Variants in CFAP92 observed in about 807,000 individuals in gnomAD.
The protein encoded by CFAP92 is uncharacterized protein CFAP92.
In CFAP92, 86 loss-of-function variants were observed where a neutral mutation model predicts 106.3. The ratio of observed to expected loss-of-function variants is 0.81; its 90% CI spans 0.68 to 0.97. The LOEUF (loss-of-function observed/expected upper bound fraction) is 0.97, where lower values mean the gene tolerates loss of function less well. Ranked by LOEUF, CFAP92 falls within the 50% of genes least tolerant of loss-of-function variation. CFAP92 has a pLI of 0.00. For missense variants in CFAP92, 1,204 were observed against 1,283.8 expected (o/e 0.94, Z 0.95); for synonymous variants, 477 against 506.4 (o/e 0.94, Z 0.78).
In CFAP92 at chr3:128,977,059, G is replaced by T; in HGVS notation, c.816C>A (p.His272Gln). The T allele has an allele frequency of 6.2e-7, 1 of 1,613,572 alleles. No individual in the cohort carries two copies. Among genetic ancestry groups the T allele is most frequent in the Non-Finnish European group, 8.5e-7 (1 of 1,179,586 alleles). ...TGGAAGAAGTTTCGGGCTCTGCTTG[G>T]TGAGAACCTGAAAACAGTAGCAAAT... is the stretch of plus-strand genomic sequence containing the variant. ...EKHPKSLQGS[H>Q]QAEPETSSKN... Residue 272 changes from histidine (H) to glutamine (Q), a missense_variant, in exon 6 of 16, where the codon CAC (histidine) becomes CAA (glutamine). His to Gln is a conservative substitution (Grantham distance 24, BLOSUM62 0). Coordinates refer to ENST00000645291, the MANE Select transcript of CFAP92 (RefSeq NM_001394090.1).
At position 128,945,662 on chromosome 3, in the gene CFAP92, T is replaced by C; in HGVS notation, c.1667A>G (p.Gln556Arg). The change falls in exon 10 of 16, where the codon CAG (glutamine) becomes CGG (arginine). Residue 556 changes from glutamine (Q) to arginine (R), a missense_variant. Physicochemically the swap from Gln to Arg is conservative, Grantham distance 43. Coordinates refer to ENST00000645291, the MANE Select transcript of CFAP92 (RefSeq NM_001394090.1). ...GCCATAAGGGTACCACATCTTGTTCTGGGACTCAAAGGGGTTGTTCTCTGT... is the reference window on the plus strand; with the variant it reads ...GCCATAAGGGTACCACATCTTGTTCCGGGACTCAAAGGGGTTGTTCTCTGT... The part of the protein sequence containing the change: ...RETENNPFES[Q>R]NKMWYPYGIA... The C allele has an allele frequency of 6.5e-7, 1 of 1,536,152 alleles. No homozygotes were observed. Among genetic ancestry groups the C allele is most frequent in the Non-Finnish European group, 8.7e-7 (1 of 1,146,912 alleles).
At chr3:128,919,514 T>A (rs1937094743) in intron 12 of CFAP92, among the ~76,000 whole-genome samples, 1 of 152,170 alleles carries the variant, frequency 6.6e-6, no homozygotes, top group South Asian at 2.1e-4. Context: ...TCAAAATATA[T>A]TAAGAAACAA....
chr3:128,937,529 G>A (rs993867026), intron 10 of CFAP92, among the ~76,000 whole-genome samples: 11 of 151,970 alleles, frequency 7.2e-5, no homozygotes, highest in African/African-American at 2.7e-4. Context: ...GAACTCAGGA[G>A]GCGGAGCTTG....
chr3:128,912,904 C>A (rs1200091367), intron 15 of CFAP92: 1 of 570,018 alleles, frequency 1.8e-6, no homozygotes, highest in Non-Finnish European at 3.4e-6. Flanking sequence ...ATAGTGGAAA[C>A]TGGGGCTTAT....
upstream of CFAP92, among the ~76,000 whole-genome samples, chr3:128,998,058 G>A (rs1489493612): frequency 6.6e-6 from 1 of 152,174 alleles, no homozygotes; most frequent in Non-Finnish European, 1.5e-5. Context: ...AGAATACTGA[G>A]ATTGTTTTAT....
intron 9 of CFAP92, among the ~76,000 whole-genome samples, chr3:128,960,852 G>A (rs1225771992): frequency 2.6e-5 from 4 of 151,068 alleles, no homozygotes; most frequent in South Asian, 4.2e-4. Context: ...CCTGGGGCAG[G>A]GGCAAGTACC....
chr3:128,963,453 G>A (rs533057314), intron 9 of CFAP92, among the ~76,000 whole-genome samples: 124 of 152,124 alleles, frequency 8.2e-4, no homozygotes, highest in African/African-American at 2.7e-3. Context: ...CATACCTGAC[G>A]CATATACTTT....
intron 12 of CFAP92, among the ~76,000 whole-genome samples, chr3:128,930,553 C>G (rs977093834): frequency 1.3e-5 from 2 of 151,852 alleles, no homozygotes; most frequent in Non-Finnish European, 2.9e-5. Context: ...GAGTTCGAGA[C>G]CAGCCTGGGC....
At chr3:128,977,973 A>G (rs547912857) in intron 5 of CFAP92, 72 bp downstream of exon 5, 1 of 1,592,564 alleles carries the variant, frequency 6.3e-7, no homozygotes, top group East Asian at 2.2e-5. Context: ...GCATTGCTCC[A>G]GCACACCACA....
At chr3:128,995,595 C>T (rs915757049), upstream of CFAP92, among the ~76,000 whole-genome samples, 7 of 152,178 alleles carry the variant, frequency 4.6e-5, no homozygotes, top group Non-Finnish European at 8.8e-5. Flanking sequence ...CCTCCTGCTC[C>T]CCAGGTCCTA....
rs759777175 is a variant in CFAP92, at chr3:128,977,017, A to G, written c.858T>C (p.Tyr286=). 6.2e-7 allele frequency: 1 copy of G among 1,613,940 alleles called. No individual in the cohort carries two copies. The highest frequency in any genetic ancestry group is 1.7e-5 in the Admixed American group (1 of 60,028). ...PETSSKNSEE[Y]EKSLKMDDSS... The stretch of plus-strand genomic sequence containing the variant: ...AATCGTCCATTTTGAGGGACTTCTC[A>G]TATTCCTCACTGTTCTTGGAAGAAG... Residue 286 remains tyrosine (Y), a synonymous_variant, in exon 6 of 16, where the codon TAT becomes TAC. Coordinates refer to ENST00000645291, the MANE Select transcript of CFAP92 (RefSeq NM_001394090.1).
intron 9 of CFAP92, among the ~76,000 whole-genome samples, chr3:128,959,868 C>T (rs371481079): frequency 1.3e-5 from 2 of 152,184 alleles, no homozygotes; most frequent in Non-Finnish European, 1.5e-5. Context: ...GTGACTTGCA[C>T]GTATACATCC....
chr3:128,926,114 G>A (rs1937624727), intron 12 of CFAP92, among the ~76,000 whole-genome samples: 1 of 152,200 alleles, frequency 6.6e-6, no homozygotes. Context: ...ATTTTAAATG[G>A]AGAAAATAAA....
intron 4 of CFAP92, among the ~76,000 whole-genome samples, chr3:128,985,470 C>A (rs1465016167): frequency 1.3e-5 from 2 of 152,140 alleles, no homozygotes; most frequent in African/African-American, 4.8e-5. Context: ...CTCAATCAAT[C>A]AATAAGAATA....
At position 128,988,900 on chromosome 3, in the gene CFAP92, G is replaced by T; in HGVS notation, c.281C>A (p.Ala94Glu). Residue 94 changes from alanine (A) to glutamate (E), a missense_variant, in exon 3 of 16, where the codon GCA (alanine) becomes GAA (glutamate). Physicochemically the swap from Ala to Glu is moderately radical, Grantham distance 107 (BLOSUM62 -1). Coordinates refer to ENST00000645291, the MANE Select transcript of CFAP92 (RefSeq NM_001394090.1). ...PVNMGQKGKY[A>E]SLIEKYKKHP... is the part of the protein sequence containing the mutation. ...TTTCTTATATTTTTCAATCAAACTTGCATATTTTCCCTTCTGACCTTGAAG... is the reference window on the plus strand; with the variant it reads ...TTTCTTATATTTTTCAATCAAACTTTCATATTTTCCCTTCTGACCTTGAAG... 2 of 1,612,952 alleles carry T rather than the reference G, an allele frequency of 1.2e-6. No individual in the cohort carries two copies. The highest frequency in any genetic ancestry group is 1.7e-6 in the Non-Finnish European group (2 of 1,179,276).
chr3:128,915,110 G>T lies in CFAP92; in HGVS notation c.3280+9C>A, dbSNP rs1263233867. 2.0e-5 allele frequency: 31 copies of T among 1,535,054 alleles called. No individual in the cohort carries two copies. Among genetic ancestry groups the T allele is most frequent in the East Asian group, 2.4e-5 (1 of 40,914 alleles). On this transcript the variant is annotated intron_variant, in intron 15 of 15. Transcript: ENST00000645291. ...AGGAGGCCCAGCTTGGCAAACCCTT[G>T]CCTGTTACCTGTTACAGGCTTTGGT...
chr3:128,931,451 G>T (rs550016753), intron 12 of CFAP92, among the ~76,000 whole-genome samples: 2 of 130,134 alleles, frequency 1.5e-5, no homozygotes, highest in Non-Finnish European at 3.0e-5. Context: ...ATATATATGT[G>T]TGTATATATA....
rs146634264 is a variant in CFAP92 at position 128,971,982 on chromosome 3, G to A, written c.1022-549C>T. ...GAGATGAGAACACATATAAATCTAC[G>A]GTCATCAAGACAAGACCAATGGGAC... is the stretch of plus-strand genomic sequence containing the variant. On this transcript the variant is annotated intron_variant, in intron 7 of 15. Transcript: ENST00000645291. 1.9e-4 allele frequency among the ~76,000 whole-genome samples: 29 copies of A among 152,222 alleles called. No individual in the cohort carries two copies. In the East Asian group the frequency reaches 5.0e-3, roughly 26 times the overall value.
intron 9 of CFAP92, among the ~76,000 whole-genome samples, chr3:128,953,807 G>A (rs1351594949): frequency 8.1e-6 from 1 of 122,702 alleles, no homozygotes; most frequent in Non-Finnish European, 1.6e-5. Context: ...GGGTTTCGCT[G>A]TGTTGGCCGG....
Sources: allele counts gnomAD v4.1 joint callset (sites outside exome capture counted in the v4.1 genomes callset), GRCh38; gene constraint gnomAD v4.1.1; transcripts MANE v1.5; gene names NCBI Gene and HGNC (gene_info 2026-07-23, HGNC 2026-07-21).